CDH13: variants seen among roughly 807,000 people sequenced by gnomAD.
CDH13 encodes the protein cadherin 13.
Under a neutral mutation model 63.8 loss-of-function variants are expected in CDH13, and 24 were observed. The observed-to-expected ratio is 0.38, with a 90% CI of 0.27 to 0.53. The LOEUF is 0.53. Ranked by LOEUF, CDH13 falls within the 20% of genes least tolerant of loss-of-function variation. CDH13 has a pLI of 0.85. For missense variants in CDH13, 1,049 were observed against 903.1 expected, an observed-to-expected ratio of 1.16 and a Z score of -2.07; for synonymous variants, 503 against 355.3, an observed-to-expected ratio of 1.42 and a Z score of -4.67.
At chr16:82,736,980 C>G (rs1034809145) in intron 1 of CDH13, among the ~76,000 whole-genome samples, 3 of 152,336 alleles carry the variant, frequency 2.0e-5, no homozygotes, top group Non-Finnish European at 2.9e-5. Context: ...TTCTGCCTCT[C>G]TGCATTCCTT....
In CDH13 at chr16:83,384,162, C is replaced by T. The variant is rs560375758; in HGVS notation, c.781+39156C>T. 6.6e-5 allele frequency among the ~76,000 whole-genome samples: 10 copies of T among 152,232 alleles called. No homozygotes were observed. The South Asian group carries it at 2.1e-3, about 32-fold the overall frequency. On this transcript the variant is annotated intron_variant, in intron 6 of 13. Coordinates refer to ENST00000567109, the MANE Select transcript of CDH13 (RefSeq NM_001257.5). ...ATCTAATATCTAAGGGTTTTTCTAG[C>T]CCTCCTACCTTTCGTGTTTATCAAT...
chr16:83,142,519 C>T (rs1456538855), intron 4 of CDH13, among the ~76,000 whole-genome samples: 1 of 152,126 alleles, frequency 6.6e-6, no homozygotes, highest in African/African-American at 2.4e-5. Flanking sequence ...TTGAACGTTA[C>T]CTCCTCGGGG....
At chr16:82,719,733 C>T (rs1370025328) in intron 1 of CDH13, among the ~76,000 whole-genome samples, 2 of 150,834 alleles carry the variant, frequency 1.3e-5, no homozygotes, top group Non-Finnish European at 2.9e-5. Flanking sequence ...ATAATCCCGG[C>T]TACTCGGGAG....
At chr16:83,182,839 TCTTTA>T (rs1236793257) in intron 4 of CDH13, among the ~76,000 whole-genome samples, 3 of 152,240 alleles carry the variant, frequency 2.0e-5, no homozygotes, top group Non-Finnish European at 4.4e-5. Flanking sequence ...GAAAAATGTC[TCTTTA>T]CTTTGTGATT....
rs114118083 is a variant in CDH13, at chr16:83,058,665, T to C, written c.366+26447T>C. On this transcript the variant is annotated intron_variant, in intron 3 of 13. Transcript: ENST00000567109. ...ATACTGATGTTGTGGTGTAAGTGTC[T>C]CCTGTGTAAATAGAACTAAATATTT... Among the ~76,000 whole-genome samples, 254 of 152,308 alleles carry C rather than the reference T, an allele frequency of 1.7e-3. 1 individual carries two copies. The highest frequency in any genetic ancestry group is 5.8e-3 in the African/African-American group (243 of 41,566).
At chr16:83,457,142 G>T (rs12149631) in intron 6 of CDH13, among the ~76,000 whole-genome samples, 1 of 152,010 alleles carries the variant, frequency 6.6e-6, no homozygotes, top group African/African-American at 2.4e-5. Context: ...GCTCTGCCAC[G>T]TCCCTGGTAT....
At chr16:83,673,129 C>T (rs1914660417) in intron 9 of CDH13, among the ~76,000 whole-genome samples, 1 of 152,246 alleles carries the variant, frequency 6.6e-6, no homozygotes, top group Non-Finnish European at 1.5e-5. Context: ...ACCTAGTCTA[C>T]ATACACATAA....
chr16:83,050,522 T>C (rs1262920488), intron 3 of CDH13, among the ~76,000 whole-genome samples: 2 of 152,178 alleles, frequency 1.3e-5, no homozygotes, highest in Non-Finnish European at 2.9e-5. Context: ...CTCTAGTTCT[T>C]CTTCTTATTC....
At chr16:83,393,879 A>C (rs1283779090) in intron 6 of CDH13, among the ~76,000 whole-genome samples, 1 of 152,218 alleles carries the variant, frequency 6.6e-6, no homozygotes, top group African/African-American at 2.4e-5. Flanking sequence ...TGTAGAGAGA[A>C]GCAAGCATGA....
intron 5 of CDH13, among the ~76,000 whole-genome samples, chr16:83,283,871 C>G (rs2089244282): frequency 6.6e-6 from 1 of 152,014 alleles, no homozygotes; most frequent in Non-Finnish European, 1.5e-5. Context: ...GTTGTAAGCT[C>G]CTGGAGGCTG....
chr16:83,445,465 C>T (rs998560917), intron 6 of CDH13, among the ~76,000 whole-genome samples: 1 of 152,060 alleles, frequency 6.6e-6, no homozygotes, highest in African/African-American at 2.4e-5. Context: ...GCTTCTGGGT[C>T]ATTAAGGAGG....
At chr16:83,258,713 C>G (rs1030287852) in intron 5 of CDH13, among the ~76,000 whole-genome samples, 6 of 152,192 alleles carry the variant, frequency 3.9e-5, no homozygotes, top group African/African-American at 1.4e-4. Flanking sequence ...TAACATGACA[C>G]CAACAGGGGT....
intron 13 of CDH13, among the ~76,000 whole-genome samples, chr16:83,791,150 C>G (rs9923207): frequency 1.3e-5 from 2 of 151,478 alleles, no homozygotes; most frequent in Non-Finnish European, 2.9e-5. Flanking sequence ...AGACCCCCAT[C>G]TCTGAAAAAA....
intron 7 of CDH13, among the ~76,000 whole-genome samples, chr16:83,586,590 G>A (rs1376550430): frequency 1.3e-5 from 2 of 152,212 alleles, no homozygotes; most frequent in Admixed American, 6.5e-5. Context: ...AGGCTGTTAA[G>A]AGGCTTAGCC....
intron 7 of CDH13, among the ~76,000 whole-genome samples, chr16:83,554,038 C>T (rs974328510): frequency 7.9e-5 from 12 of 152,052 alleles, no homozygotes; most frequent in African/African-American, 2.9e-4. Flanking sequence ...TTAATAATGC[C>T]TAGGAATGGA....
chr16:83,307,356 G>A (rs1333336810), intron 5 of CDH13, among the ~76,000 whole-genome samples: 1 of 152,142 alleles, frequency 6.6e-6, no homozygotes, highest in African/African-American at 2.4e-5. Context: ...GGAAGATAAA[G>A]GTCAACTTAA....
intron 6 of CDH13, among the ~76,000 whole-genome samples, chr16:83,379,539 C>G (rs895839827): frequency 6.6e-6 from 1 of 152,176 alleles, no homozygotes; most frequent in African/African-American, 2.4e-5. Flanking sequence ...AGAGTTTGAT[C>G]ACTCAGCCCA....
chr16:82,638,823 T>TGTGTGTGTGTGTGTGCGCGCGCGC (rs139451683), intron 1 of CDH13, among the ~76,000 whole-genome samples: 1 of 150,790 alleles, frequency 6.6e-6, no homozygotes, highest in African/African-American at 2.4e-5. Context: ...GGGCAGTGTG[T>TGTGTGTGTGTGTGTGCGCGCGCGC]GCGTGTGTGC....
intron 1 of CDH13, among the ~76,000 whole-genome samples, chr16:82,731,574 G>A (rs1054927213): frequency 3.9e-5 from 6 of 152,146 alleles, no homozygotes; most frequent in African/African-American, 7.2e-5. Context: ...TTCTGACTTA[G>A]GTCATTGGTT....
Sources: gnomAD v4.1 joint callset for allele counts (sites outside exome capture counted in the v4.1 genomes callset) on GRCh38, gnomAD v4.1.1 for gene constraint, MANE v1.5 for transcripts, NCBI Gene and HGNC (gene_info 2026-07-23, HGNC 2026-07-21) for gene names.